IQGAP3: variants seen among roughly 807,000 people sequenced by gnomAD.
IQGAP3 encodes the protein IQ motif containing GTPase activating protein 3, also known as ras GTPase-activating-like protein IQGAP3.
Under a neutral mutation model 208.2 loss-of-function variants are expected in IQGAP3, and 165 were observed. The ratio of observed to expected loss-of-function variants is 0.79; its 90% CI spans 0.70 to 0.90. The LOEUF (loss-of-function observed/expected upper bound fraction) is 0.90, where lower values mean the gene tolerates loss of function less well. IQGAP3 is among the 40% of genes least tolerant of loss of function. The pLI is 0.00. For synonymous variants in IQGAP3, 703 were observed against 803.6 expected (o/e 0.87, Z 2.12); for missense variants, 1,811 against 2,043.1 (o/e 0.89, Z 2.19).
chr1:156,526,626 G>A, intron 37 of IQGAP3, 27 bp from the exon 38 acceptor site: 1 of 1,501,798 alleles, frequency 6.7e-7, no homozygotes, highest in Non-Finnish European at 9.3e-7. Flanking sequence ...AGGGAGGGGA[G>A]TTTAAGGGCT....
intron 22 of IQGAP3, among the ~76,000 whole-genome samples, chr1:156,541,986 A>G (rs1675009212): frequency 2.0e-5 from 3 of 152,178 alleles, no homozygotes; most frequent in Admixed American, 2.0e-4. Context: ...AACACAGTGC[A>G]GAAGGTGTAG....
Position 156,539,360 on chromosome 1 carries a change from T to C in IQGAP3, c.3056+14A>G. ...CCCATTCTCTCCCCATTCCTTTGTG[T>C]CTGGAGAGCCTACTTGATTTCCTCC... On this transcript the variant is annotated intron_variant, in intron 25 of 37. Transcript: ENST00000361170. 1.2e-6 allele frequency: 2 copies of C among 1,612,188 alleles called. No individual in the cohort carries two copies. Among genetic ancestry groups the C allele is most frequent in the Non-Finnish European group, 1.7e-6 (2 of 1,179,064 alleles).
chr1:156,531,130 C>A (rs768922095), intron 33 of IQGAP3, 30 bp downstream of exon 33: 1 of 1,519,610 alleles, frequency 6.6e-7, no homozygotes, highest in South Asian at 1.1e-5. Flanking sequence ...ATGAATGAGA[C>A]AGAACCTGTG....
In IQGAP3 at chr1:156,528,977, G is replaced by A. The variant is rs1259984410; in HGVS notation, c.4510C>T (p.Gln1504Ter). The part of the protein sequence containing the change: ...LSTKTTFYEE[Q>*]GDYYSQYIRA... ...ATGTACTGGCTGTAGTAGTCACCCTGCTCCTCATAGAAGGTGGTCTTAGTG... is the reference window on the plus strand; with the variant it reads ...ATGTACTGGCTGTAGTAGTCACCCTACTCCTCATAGAAGGTGGTCTTAGTG... The change falls in exon 35 of 38, where the codon CAG (glutamine) becomes TAG (stop). Residue 1504 changes from glutamine to a stop codon, truncating the protein, a stop_gained. Transcript: ENST00000361170. LOFTEE classifies it high-confidence loss of function. 11 of 1,614,232 alleles carry A rather than the reference G, an allele frequency of 6.8e-6. No homozygotes were observed. Among genetic ancestry groups the A allele is most frequent in the Non-Finnish European group, 9.3e-6 (11 of 1,180,036 alleles).
intron 33 of IQGAP3, 111 bp from the exon 34 acceptor site, chr1:156,530,428 C>T: frequency 1.1e-6 from 1 of 880,674 alleles, no homozygotes; most frequent in Non-Finnish European, 1.7e-6. Flanking sequence ...CATTTTTCTG[C>T]ATATCATTAA....
rs367892157 is a variant in IQGAP3, at chr1:156,547,376, CACAG to C, written c.2304+693_2304+696del. 5.7e-3 allele frequency among the ~76,000 whole-genome samples: 592 copies of C among 103,880 alleles called. 12 individuals carry two copies. The highest frequency in any genetic ancestry group is 0.023 in the African/African-American group (574 of 25,384). The allele number at this position is 103,880 out of a possible 152,430, so 68.1% of individuals were successfully genotyped here. ...CTTACTAAACACACAGACACACAGA[CACAG>C]ACACACAGACACACACACACACACA... is the stretch of plus-strand genomic sequence containing the variant. On this transcript the variant is annotated intron_variant, in intron 19 of 37. Coordinates refer to ENST00000361170, the MANE Select transcript of IQGAP3 (RefSeq NM_178229.5).
chr1:156,550,289 G>A lies in IQGAP3; in HGVS notation c.1797C>T (p.Ala599=). Residue 599 remains alanine (A), a synonymous_variant, in exon 16 of 38, where the codon GCC becomes GCT. Coordinates refer to ENST00000361170, the MANE Select transcript of IQGAP3 (RefSeq NM_178229.5). ...LEEIRQGVVR[A]NQDTNTAQRM... is the part of the protein sequence containing the mutation. ...TCTGAGCTGTATTAGTGTCCTGGTT[G>A]GCTCTGACCACTCCCTGGCGGATCT... The A allele has an allele frequency of 6.2e-7, 1 of 1,613,568 alleles. No individual in the cohort carries two copies. Among genetic ancestry groups the A allele is most frequent in the East Asian group, 2.2e-5 (1 of 44,870 alleles).
At chr1:156,556,139 T>C (rs1675811532) in intron 12 of IQGAP3, among the ~76,000 whole-genome samples, 1 of 152,238 alleles carries the variant, frequency 6.6e-6, no homozygotes, top group African/African-American at 2.4e-5. Flanking sequence ...GTGAGGGCCC[T>C]GTCGTTTCAC....
chr1:156,528,741 G>A, intron 35 of IQGAP3, 131 bp from the exon 36 acceptor site: 1 of 1,023,712 alleles, frequency 9.8e-7, no homozygotes, highest in Non-Finnish European at 1.4e-6. Context: ...GAGGAGGGGG[G>A]CTGCACTTGA....
At position 156,526,617 on chromosome 1, in the gene IQGAP3, G is replaced by A; in HGVS notation, c.4783-18C>T. The stretch of plus-strand genomic sequence containing the variant: ...AGGAGATCCTAGGAGGGAAGAGGCA[G>A]GGAGGGGAGTTTAAGGGCTTCTGAA... On this transcript the variant is annotated intron_variant, in intron 37 of 37. Transcript: ENST00000361170. 1 of 1,573,576 alleles carries A rather than the reference G, an allele frequency of 6.4e-7. No homozygotes were observed. The highest frequency in any genetic ancestry group is 8.7e-7 in the Non-Finnish European group (1 of 1,143,412).
In IQGAP3 at chr1:156,528,015, T is replaced by A; in HGVS notation, c.4719A>T (p.Gly1573=). The change falls in exon 37 of 38, where the codon GGA becomes GGT. Residue 1573 remains glycine (G), a synonymous_variant. Coordinates refer to ENST00000361170, the MANE Select transcript of IQGAP3 (RefSeq NM_178229.5). ...GGAACTTGGCATTTACTTCAAACTT[T>A]CCTGCCTCATCTCCCGGCGTGATGT... The part of the protein sequence containing the change: ...IFDITPGDEA[G]KFEVNAKFLG... The A allele has an allele frequency of 6.2e-7, 1 of 1,614,118 alleles. No individual in the cohort carries two copies. Among genetic ancestry groups the A allele is most frequent in the South Asian group, 1.1e-5 (1 of 91,076 alleles).
Position 156,561,957 on chromosome 1 carries a change from T to C in IQGAP3, c.922A>G (p.Ser308Gly), listed in dbSNP as rs1163040707. The C allele has an allele frequency of 1.2e-6, 2 of 1,613,764 alleles. No individual in the cohort carries two copies. Among genetic ancestry groups the C allele is most frequent in the East Asian group, 4.5e-5 (2 of 44,862 alleles). Residue 308 changes from serine (S) to glycine (G), a missense_variant, in exon 10 of 38, where the codon AGC becomes GGC. Ser to Gly is a moderately conservative substitution (Grantham distance 56). Coordinates refer to ENST00000361170, the MANE Select transcript of IQGAP3 (RefSeq NM_178229.5). ...EVVDDALERQSPEALLKALQD... is the reference protein window; with the variant it reads ...EVVDDALERQGPEALLKALQD... ...AGGGCCTTGAGCAAGGCTTCAGGGC[T>C]CTGTCTTTCCAGGGCATCATCAACA...
At chr1:156,531,034 G>T in intron 33 of IQGAP3, 126 bp downstream of exon 33, 1 of 742,204 alleles carries the variant, frequency 1.3e-6, no homozygotes. Context: ...TCTCATTACT[G>T]GTGAGCACAG....
chr1:156,535,843 C>T (rs1168904384), intron 27 of IQGAP3, among the ~76,000 whole-genome samples: 2 of 152,166 alleles, frequency 1.3e-5, no homozygotes, highest in African/African-American at 2.4e-5. Flanking sequence ...AAGTCTGTCC[C>T]CTGGTCTAGA....
intron 35 of IQGAP3, 25 bp from the exon 36 acceptor site, chr1:156,528,635 A>C: frequency 6.4e-7 from 1 of 1,558,570 alleles, no homozygotes; most frequent in Admixed American, 1.7e-5. Context: ...GCCCCAGAGA[A>C]TTCATCCAAT....
intron 36 of IQGAP3, 98 bp from the exon 37 acceptor site, chr1:156,528,158 C>A: frequency 1.1e-6 from 1 of 881,670 alleles, no homozygotes; most frequent in South Asian, 1.5e-5. Context: ...GCAGCGGTGT[C>A]ATCCAGAACC....
At chr1:156,544,125 G>A (rs1454978488) in intron 21 of IQGAP3, 27 bp downstream of exon 21, 4 of 1,613,454 alleles carry the variant, frequency 2.5e-6, no homozygotes, top group Non-Finnish European at 2.5e-6. Flanking sequence ...TTGGGTATGT[G>A]GGCAGGGGGA....
At chr1:156,564,142 A>G (rs1374546330) in intron 5 of IQGAP3, among the ~76,000 whole-genome samples, 1 of 152,184 alleles carries the variant, frequency 6.6e-6, no homozygotes, top group African/African-American at 2.4e-5. Flanking sequence ...CTGCTGAGCT[A>G]AGGCACAGGG....
chr1:156,539,584 G>C (rs773007013), intron 24 of IQGAP3, 47 bp from the exon 25 acceptor site: 4 of 1,588,584 alleles, frequency 2.5e-6, no homozygotes, highest in Non-Finnish European at 1.7e-6. Flanking sequence ...GCACTTCAAG[G>C]ACCAGTGATA....
Sources: allele counts gnomAD v4.1 joint callset (sites outside exome capture counted in the v4.1 genomes callset), GRCh38; gene constraint gnomAD v4.1.1; transcripts MANE v1.5; gene names NCBI Gene and HGNC (gene_info 2026-07-23, HGNC 2026-07-21).